Variants in ARHGEF28 observed in about 807,000 individuals in gnomAD.
The protein encoded by ARHGEF28 is Rho guanine nucleotide exchange factor 28.
A neutral mutation model predicts 206.6 loss-of-function variants in ARHGEF28; 152 were observed. That is an observed-to-expected ratio of 0.74 (90% confidence interval 0.64 to 0.84). ARHGEF28 has a LOEUF of 0.84. ARHGEF28 is among the 40% of genes least tolerant of loss of function. ARHGEF28 has a pLI of 0.00. For missense variants in ARHGEF28, 2,028 were observed against 2,073.2 expected (o/e 0.98, Z 0.42); for synonymous variants, 763 against 776.4 (o/e 0.98, Z 0.29).
chr5:73,933,675 C>A (rs1764258770), intron 35 of ARHGEF28, among the ~76,000 whole-genome samples: 1 of 152,228 alleles, frequency 6.6e-6, no homozygotes, highest in Non-Finnish European at 1.5e-5. Context: ...TGAACCCCAT[C>A]TGCCCACAGC....
At chr5:73,931,682 T>C (rs1488000862) in intron 35 of ARHGEF28, among the ~76,000 whole-genome samples, 1 of 152,248 alleles carries the variant, frequency 6.6e-6, no homozygotes, top group Non-Finnish European at 1.5e-5. Context: ...GAATCTTGTT[T>C]TGTGGCTGAA....
intron 1 of ARHGEF28, among the ~76,000 whole-genome samples, chr5:73,633,548 T>C (rs1743506133): frequency 6.6e-6 from 1 of 150,384 alleles, no homozygotes; most frequent in Non-Finnish European, 1.5e-5. Flanking sequence ...AGAGAATAAC[T>C]CCTCAATAAA....
chr5:73,742,050 T>C (rs1228051063), intron 2 of ARHGEF28, among the ~76,000 whole-genome samples: 1 of 152,170 alleles, frequency 6.6e-6, no homozygotes, highest in Non-Finnish European at 1.5e-5. Flanking sequence ...ACTGACTCTT[T>C]TTATGATGAA....
intron 4 of ARHGEF28, among the ~76,000 whole-genome samples, chr5:73,758,851 A>G (rs1752453139): frequency 6.6e-6 from 1 of 152,222 alleles, no homozygotes; most frequent in South Asian, 2.1e-4. Flanking sequence ...ACTAGCATGA[A>G]TTGAATCTGC....
intron 1 of ARHGEF28, among the ~76,000 whole-genome samples, chr5:73,654,105 A>G (rs1745017752): frequency 6.6e-6 from 1 of 152,176 alleles, no homozygotes; most frequent in Admixed American, 6.5e-5. Flanking sequence ...CCCCTGCTTA[A>G]GCATCCTAGT....
At chr5:73,734,287 C>G (rs1750784317) in intron 2 of ARHGEF28, among the ~76,000 whole-genome samples, 1 of 152,076 alleles carries the variant, frequency 6.6e-6, no homozygotes, top group Admixed American at 6.6e-5. Flanking sequence ...ATGAGATGGC[C>G]TGAAATTCAG....
intron 17 of ARHGEF28, among the ~76,000 whole-genome samples, chr5:73,865,751 G>A (rs1052963627): frequency 9.2e-5 from 14 of 152,236 alleles, no homozygotes; most frequent in South Asian, 2.1e-4. Flanking sequence ...TTCAGGAGGC[G>A]CATGTTCACA....
chr5:73,841,210 CTT>C (rs1315670283), intron 11 of ARHGEF28, among the ~76,000 whole-genome samples: 11 of 152,002 alleles, frequency 7.2e-5, no homozygotes, highest in Non-Finnish European at 1.2e-4. Flanking sequence ...GAATAAATAA[CTT>C]ATATATAGTT....
At chr5:73,659,545 T>C (rs1312166233) in intron 1 of ARHGEF28, among the ~76,000 whole-genome samples, 2 of 150,772 alleles carry the variant, frequency 1.3e-5, no homozygotes, top group Admixed American at 6.6e-5. Flanking sequence ...AAAAAAAAAG[T>C]TTGTTATGTG....
At chr5:73,641,948 T>G (rs1744135116) in intron 1 of ARHGEF28, among the ~76,000 whole-genome samples, 1 of 152,244 alleles carries the variant, frequency 6.6e-6, no homozygotes, top group Non-Finnish European at 1.5e-5. Flanking sequence ...AATGTTACTA[T>G]TCCTGCTTTG....
intron 35 of ARHGEF28, among the ~76,000 whole-genome samples, chr5:73,915,651 T>A (rs1763169107): frequency 6.6e-6 from 1 of 152,130 alleles, no homozygotes; most frequent in Non-Finnish European, 1.5e-5. Flanking sequence ...GAAACAACAA[T>A]AAAAAAACCC....
At position 73,742,354 on chromosome 5, in the gene ARHGEF28, C is replaced by T. The variant is rs187972579; in HGVS notation, c.34-7483C>T. ...ATATCTACATATAGCTATTTGCTCT[C>T]TGTTTGGCATGCATGTTTTATTTTT... On this transcript the variant is annotated intron_variant, in intron 2 of 35. Coordinates refer to ENST00000513042, the MANE Select transcript of ARHGEF28 (RefSeq NM_001177693.2). Among the ~76,000 whole-genome samples the T allele has an allele frequency of 1.7e-4, 26 of 152,028 alleles. 1 individual carries two copies. Among genetic ancestry groups the T allele is most frequent in the Admixed American group, 7.2e-4 (11 of 15,276 alleles).
intron 14 of ARHGEF28, 103 bp from the exon 15 acceptor site, chr5:73,857,553 A>C: frequency 8.2e-7 from 1 of 1,222,978 alleles, no homozygotes; most frequent in South Asian, 1.9e-5. Context: ...ACATACACAT[A>C]CATATATGTG....
At chr5:73,792,428 A>G (rs1167943565) in intron 7 of ARHGEF28, among the ~76,000 whole-genome samples, 2 of 152,210 alleles carry the variant, frequency 1.3e-5, no homozygotes, top group East Asian at 3.9e-4. Context: ...TGCCTTTTCC[A>G]TTAGCAATCT....
chr5:73,773,051 C>A (rs750405331), intron 4 of ARHGEF28, among the ~76,000 whole-genome samples: 1 of 152,134 alleles, frequency 6.6e-6, no homozygotes, highest in Non-Finnish European at 1.5e-5. Flanking sequence ...ACACACAAAC[C>A]GTAGAGATTT....
chr5:73,769,842 C>T (rs944171422), intron 4 of ARHGEF28, among the ~76,000 whole-genome samples: 2 of 152,178 alleles, frequency 1.3e-5, no homozygotes, highest in Non-Finnish European at 2.9e-5. Context: ...ATTTTAAGAA[C>T]AGGTTTAGGT....
At chr5:73,642,825 T>G (rs1744207072) in intron 1 of ARHGEF28, among the ~76,000 whole-genome samples, 1 of 152,210 alleles carries the variant, frequency 6.6e-6, no homozygotes, top group African/African-American at 2.4e-5. Flanking sequence ...TGCTCTAATA[T>G]CTGTTCATGT....
At chr5:73,775,560 A>C (rs998675717) in intron 5 of ARHGEF28, among the ~76,000 whole-genome samples, 5 of 152,200 alleles carry the variant, frequency 3.3e-5, no homozygotes, top group Non-Finnish European at 7.3e-5. Context: ...TGGAGATAAC[A>C]TTTCCTTCAT....
chr5:73,889,904 T>A lies in ARHGEF28; in HGVS notation c.3388-2148T>A, dbSNP rs145752594. 2.3e-3 allele frequency among the ~76,000 whole-genome samples: 349 copies of A among 152,366 alleles called. 1 individual carries two copies. Among genetic ancestry groups the A allele is most frequent in the African/African-American group, 8.1e-3 (337 of 41,586 alleles). On this transcript the variant is annotated intron_variant, in intron 26 of 35. Coordinates refer to ENST00000513042, the MANE Select transcript of ARHGEF28 (RefSeq NM_001177693.2). ...GCCCAGGATTGCTCATCTTCTGCTT[T>A]CCCCAAGAACCCAGAAATGTAAAGT...
Sources: gnomAD v4.1 joint callset for allele counts (sites outside exome capture counted in the v4.1 genomes callset) on GRCh38, gnomAD v4.1.1 for gene constraint, MANE v1.5 for transcripts, NCBI Gene and HGNC (gene_info 2026-07-23, HGNC 2026-07-21) for gene names.